TEAD1: variants seen among roughly 807,000 people sequenced by gnomAD.
TEAD1 encodes the protein transcriptional enhancer factor TEF-1.
TEAD1 carries 9 observed loss-of-function variants against 54.9 expected under a neutral mutation model. The observed-to-expected ratio is 0.16, with a 90% CI of 0.10 to 0.29. The LOEUF (loss-of-function observed/expected upper bound fraction) is 0.29. TEAD1 is among the 10% of genes least tolerant of loss of function. TEAD1 has a pLI of 1.00. For synonymous variants in TEAD1, 200 were observed against 187.8 expected, an observed-to-expected ratio of 1.07 and a Z score of -0.53; for missense variants, 387 against 535.9, an observed-to-expected ratio of 0.72 and a Z score of 2.74.
intron 10 of TEAD1, among the ~76,000 whole-genome samples, chr11:12,919,877 ACATTATC>A (rs1352649608): frequency 6.6e-6 from 1 of 152,196 alleles, no homozygotes; most frequent in Non-Finnish European, 1.5e-5. Context: ...ATTAGCAAGC[ACATTATC>A]CATTATATTA....
chr11:12,886,960 A>G (rs1414384757), intron 9 of TEAD1, among the ~76,000 whole-genome samples: 1 of 151,914 alleles, frequency 6.6e-6, no homozygotes, highest in Non-Finnish European at 1.5e-5. Context: ...CTGTGAAATT[A>G]TTTTGCCTAA....
Position 12,680,988 on chromosome 11 carries a change from GCTAA to G in TEAD1, c.-55+5430_-55+5433del, listed in dbSNP as rs534597881. 6.6e-5 allele frequency among the ~76,000 whole-genome samples: 10 copies of G among 152,288 alleles called. No homozygotes were observed. The South Asian group carries it at 1.5e-3, about 22-fold the overall frequency. On this transcript the variant is annotated intron_variant, in intron 2 of 12. Coordinates refer to ENST00000527636, the MANE Select transcript of TEAD1 (RefSeq NM_021961.6). ...TACTGTGGCTGGGGGTGTCTTGGGG[GCTAA>G]CTGATTCTGAAACCATTGTGAGCCG...
At chr11:12,838,678 C>T (rs954669711) in intron 3 of TEAD1, among the ~76,000 whole-genome samples, 1 of 152,128 alleles carries the variant, frequency 6.6e-6, no homozygotes, top group African/African-American at 2.4e-5. Flanking sequence ...GCCTTGTGCA[C>T]GTCTTTTGGT....
chr11:12,764,572 A>G (rs1945164904), intron 3 of TEAD1, 138 bp downstream of exon 3: 1 of 1,022,418 alleles, frequency 9.8e-7, no homozygotes, highest in Non-Finnish European at 1.5e-6. Flanking sequence ...GGGTCATCCA[A>G]AGGACTCACC....
intron 3 of TEAD1, among the ~76,000 whole-genome samples, chr11:12,858,824 A>G (rs925328357): frequency 2.0e-5 from 3 of 152,210 alleles, no homozygotes; most frequent in African/African-American, 2.4e-5. Context: ...GTTCTGAGAA[A>G]TACGTCATCA....
chr11:12,797,316 A>G (rs1436407814), intron 3 of TEAD1, among the ~76,000 whole-genome samples: 1 of 152,178 alleles, frequency 6.6e-6, no homozygotes, highest in Non-Finnish European at 1.5e-5. Flanking sequence ...TCTTTTGGAC[A>G]ATCACAGAAT....
chr11:12,870,497 G>T (rs968926817), intron 5 of TEAD1, among the ~76,000 whole-genome samples: 2 of 152,032 alleles, frequency 1.3e-5, no homozygotes, highest in Admixed American at 6.5e-5. Flanking sequence ...AGGCATTTGT[G>T]GCCAGAGCAC....
chr11:12,829,107 C>T (rs767844870), intron 3 of TEAD1, among the ~76,000 whole-genome samples: 1 of 152,096 alleles, frequency 6.6e-6, no homozygotes, highest in Non-Finnish European at 1.5e-5. Context: ...GTGGTGGAAG[C>T]AGAGGCTCTG....
chr11:12,792,915 G>A (rs192137563), intron 3 of TEAD1, among the ~76,000 whole-genome samples: 2 of 152,218 alleles, frequency 1.3e-5, no homozygotes, highest in Middle Eastern at 3.4e-3. Flanking sequence ...AATTAGCCGG[G>A]AATGATGGCT....
chr11:12,861,736 CA>C (rs1172910886), intron 3 of TEAD1, among the ~76,000 whole-genome samples: 1 of 152,190 alleles, frequency 6.6e-6, no homozygotes, highest in Non-Finnish European at 1.5e-5. Context: ...CCTGTAATCC[CA>C]GCACTTAAGG....
chr11:12,825,875 A>C (rs527924127), intron 3 of TEAD1, among the ~76,000 whole-genome samples: 1 of 152,340 alleles, frequency 6.6e-6, no homozygotes, highest in South Asian at 2.1e-4. Flanking sequence ...ATTATTGTCA[A>C]TTGATTTCTC....
chr11:12,887,501 G>C (rs112498926), intron 9 of TEAD1, among the ~76,000 whole-genome samples: 1 of 152,116 alleles, frequency 6.6e-6, no homozygotes, highest in African/African-American at 2.4e-5. Flanking sequence ...TTGAAGTGAT[G>C]GAGAATTAAT....
intron 2 of TEAD1, among the ~76,000 whole-genome samples, chr11:12,697,079 G>GAA (rs1489538480): frequency 2.6e-5 from 4 of 152,146 alleles, no homozygotes; most frequent in African/African-American, 9.7e-5. Flanking sequence ...TGGGGGCACT[G>GAA]AAGAGTTCTG....
In TEAD1 at chr11:12,769,436, T is replaced by C. The variant is rs574328132; in HGVS notation, c.202+5002T>C. Among the ~76,000 whole-genome samples the C allele has an allele frequency of 7.2e-4, 110 of 152,262 alleles. 1 individual carries two copies. The highest frequency in any genetic ancestry group is 1.4e-3 in the Non-Finnish European group (96 of 68,018). On this transcript the variant is annotated intron_variant, in intron 3 of 12. Transcript: ENST00000527636. ...GCACACAAGTAAGTGGGAGTATGTA[T>C]TGATTAGTCAGTACAGCAAAGAGAC...
At chr11:12,720,993 T>C (rs1417336803) in intron 2 of TEAD1, among the ~76,000 whole-genome samples, 2 of 152,226 alleles carry the variant, frequency 1.3e-5, no homozygotes, top group African/African-American at 2.4e-5. Context: ...TGGATTTCCT[T>C]TGGACCTTGT....
chr11:12,677,316 GC>G (rs1319987590), intron 2 of TEAD1, among the ~76,000 whole-genome samples: 2 of 149,400 alleles, frequency 1.3e-5, no homozygotes, highest in Admixed American at 1.3e-4. Context: ...TACAATGTGT[GC>G]CCAGGCCCCA....
chr11:12,677,485 T>G (rs1228530383), intron 2 of TEAD1, among the ~76,000 whole-genome samples: 1 of 152,160 alleles, frequency 6.6e-6, no homozygotes, highest in Non-Finnish European at 1.5e-5. Context: ...TCCCCTTTTA[T>G]TTAGAAAAAG....
At chr11:12,801,375 C>T (rs989997512) in intron 3 of TEAD1, among the ~76,000 whole-genome samples, 1 of 152,130 alleles carries the variant, frequency 6.6e-6, no homozygotes, top group Non-Finnish European at 1.5e-5. Context: ...AGCTTGGCTG[C>T]AGATGTAGAA....
intron 10 of TEAD1, among the ~76,000 whole-genome samples, chr11:12,902,696 T>C (rs1166031837): frequency 1.3e-5 from 2 of 151,712 alleles, no homozygotes; most frequent in Non-Finnish European, 2.9e-5. Flanking sequence ...TTTACACACA[T>C]TTTTTTTTAA....
Sources: allele counts gnomAD v4.1 joint callset (sites outside exome capture counted in the v4.1 genomes callset), GRCh38; gene constraint gnomAD v4.1.1; transcripts MANE v1.5; gene names NCBI Gene and HGNC (gene_info 2026-07-23, HGNC 2026-07-21).